The following CRYBG1 variants were observed in gnomAD, a reference collection of about 807,000 sequenced individuals.
CRYBG1 encodes crystallin beta-gamma domain containing 1.
Under a neutral mutation model 189.2 loss-of-function variants are expected in CRYBG1, and 139 were observed. The observed-to-expected ratio is 0.73, with a 90% CI of 0.64 to 0.85. The LOEUF (loss-of-function observed/expected upper bound fraction) is 0.85. CRYBG1 is among the 40% of genes least tolerant of loss of function. CRYBG1 has a pLI of 0.00. For missense variants in CRYBG1, 2,611 were observed against 2,675.8 expected (o/e 0.98, Z 0.53); for synonymous variants, 1,023 against 1,017.1 (o/e 1.01, Z -0.11).
intron 1 of CRYBG1, among the ~76,000 whole-genome samples, chr6:106,417,482 C>T (rs1771046796): frequency 6.6e-6 from 1 of 152,180 alleles, no homozygotes; most frequent in Non-Finnish European, 1.5e-5. Context: ...AGTACTCTGT[C>T]CCCACAGATT....
intron 1 of CRYBG1, among the ~76,000 whole-genome samples, chr6:106,381,894 T>G (rs2114320246): frequency 6.6e-6 from 1 of 152,324 alleles, no homozygotes; most frequent in South Asian, 2.1e-4. Flanking sequence ...ATGGACAATG[T>G]CTGACATAAT....
At position 106,519,549 on chromosome 6, in the gene CRYBG1, C is replaced by G. The variant is rs747552485; in HGVS notation, c.2341C>G (p.Pro781Ala). 3 of 1,614,032 alleles carry G rather than the reference C, an allele frequency of 1.9e-6. No individual in the cohort carries two copies. Among genetic ancestry groups the G allele is most frequent in the Non-Finnish European group, 2.5e-6 (3 of 1,180,014 alleles). Reference protein sequence around the residue: ...SSENQALGPQPNQDDKADVQT... With the variant: ...SSENQALGPQANQDDKADVQT... ...TGAGAATCAAGCTCTTGGTCCTCAG[C>G]CTAACCAAGATGATAAAGCAGATGT... Residue 781 changes from proline to alanine, a missense_variant, in exon 4 of 22, where the codon CCT (proline) becomes GCT (alanine). Coordinates refer to ENST00000633556, the MANE Select transcript of CRYBG1 (RefSeq NM_001371242.2).
intron 2 of CRYBG1, among the ~76,000 whole-genome samples, chr6:106,492,204 CA>C (rs1772739788): frequency 6.6e-6 from 1 of 152,206 alleles, no homozygotes; most frequent in Non-Finnish European, 1.5e-5. Context: ...GTTTTATAGA[CA>C]AGCCTATAAG....
At chr6:106,503,058 C>T (rs559289364) in intron 2 of CRYBG1, among the ~76,000 whole-genome samples, 45 of 152,286 alleles carry the variant, frequency 3.0e-4, no homozygotes, top group Non-Finnish European at 5.4e-4. Context: ...GAGGGGAAAG[C>T]GGCTCGGGAA....
chr6:106,500,385 A>T, intron 2 of CRYBG1, among the ~76,000 whole-genome samples: 1 of 148,768 alleles, frequency 6.7e-6, no homozygotes. Context: ...TATAATTTTC[A>T]TTTTCATTTC....
At chr6:106,405,962 G>A (rs1770812365) in intron 1 of CRYBG1, among the ~76,000 whole-genome samples, 1 of 152,152 alleles carries the variant, frequency 6.6e-6, no homozygotes, top group South Asian at 2.1e-4. Flanking sequence ...AACCAGGACA[G>A]CTCTTCTCCT....
rs1415328432 is a variant in CRYBG1 at position 106,512,326 on chromosome 6, C to A, written c.1209C>A (p.Cys403Ter). ...TGATTACTCCCAGAGCGGAAGATTG[C>A]GGTGACTGGGACGACATGGAGAAGA... ...PVVITPRAED[C>*]GDWDDMEKRS... The change falls in exon 3 of 22, where the codon TGC (cysteine) becomes TGA (stop). Residue 403 changes from cysteine to a stop codon, truncating the protein, a stop_gained. Coordinates refer to ENST00000633556, the MANE Select transcript of CRYBG1 (RefSeq NM_001371242.2). LOFTEE classifies it high-confidence loss of function. 1.9e-6 allele frequency: 3 copies of A among 1,607,642 alleles called. No individual in the cohort carries two copies. The highest frequency in any genetic ancestry group is 2.2e-5 in the East Asian group (1 of 44,634).
chr6:106,381,345 C>T (rs143588728), intron 1 of CRYBG1, among the ~76,000 whole-genome samples: 7 of 152,296 alleles, frequency 4.6e-5, no homozygotes, highest in African/African-American at 9.6e-5. Context: ...ATTCTGCTCA[C>T]GGTTCAGCCA....
chr6:106,544,335 C>T (rs1774207558), intron 11 of CRYBG1, among the ~76,000 whole-genome samples: 1 of 151,994 alleles, frequency 6.6e-6, no homozygotes, highest in Admixed American at 6.6e-5. Flanking sequence ...ACATACACAC[C>T]ACTCACACAC....
At chr6:106,435,653 G>A (rs2114412273) in intron 1 of CRYBG1, among the ~76,000 whole-genome samples, 1 of 152,116 alleles carries the variant, frequency 6.6e-6, no homozygotes, top group Admixed American at 6.5e-5. Flanking sequence ...TCAGGCTGGA[G>A]TGCAGTGGCG....
Position 106,436,810 on chromosome 6 carries a change from C to G in CRYBG1, c.174-14884C>G, listed in dbSNP as rs192862397. Reference sequence around the variant, plus strand: ...GAAAATTATTTCCTTCAAATCATTTCCTAAAAGTAGAGTTATAGGGGATAG... The same window carrying G: ...GAAAATTATTTCCTTCAAATCATTTGCTAAAAGTAGAGTTATAGGGGATAG... On this transcript the variant is annotated intron_variant, in intron 1 of 21. Coordinates refer to ENST00000633556, the MANE Select transcript of CRYBG1 (RefSeq NM_001371242.2). 2.1e-3 allele frequency among the ~76,000 whole-genome samples: 314 copies of G among 152,030 alleles called. 2 individuals are homozygous for G. The highest frequency in any genetic ancestry group is 7.3e-3 in the African/African-American group (302 of 41,450).
intron 2 of CRYBG1, among the ~76,000 whole-genome samples, chr6:106,499,255 C>A (rs2114506620): frequency 6.7e-6 from 1 of 149,934 alleles, no homozygotes; most frequent in African/African-American, 2.5e-5. Context: ...CGGGTTCAAG[C>A]AATTCTCCTG....
At chr6:106,447,524 G>A (rs1363825947) in intron 1 of CRYBG1, among the ~76,000 whole-genome samples, 1 of 143,054 alleles carries the variant, frequency 7.0e-6, no homozygotes, top group African/African-American at 2.7e-5. Flanking sequence ...CACTTTGAAT[G>A]CTTGTACCTC....
intron 2 of CRYBG1, among the ~76,000 whole-genome samples, chr6:106,469,527 C>T (rs1390153619): frequency 6.6e-6 from 1 of 152,014 alleles, no homozygotes; most frequent in African/African-American, 2.4e-5. Context: ...ACTTAATTTC[C>T]TTAATGATTT....
In CRYBG1 at chr6:106,511,965, C is replaced by G. The variant is rs1289602085; in HGVS notation, c.848C>G (p.Ala283Gly). The stretch of plus-strand genomic sequence containing the variant: ...CCGGGGGAGGACGCTTCACCAGGTG[C>G]TGGCCACGAACAGGAGGCTTTCCTG... ...RSPGEDASPG[A>G]GHEQEAFLGV... The change falls in exon 3 of 22, where the codon GCT (alanine) becomes GGT (glycine). Residue 283 changes from alanine to glycine, a missense_variant. Physicochemically the swap from Ala to Gly is moderately conservative, Grantham distance 60. Transcript: ENST00000633556. The G allele has an allele frequency of 1.3e-6, 2 of 1,528,986 alleles. No individual in the cohort carries two copies. The highest frequency in any genetic ancestry group is 2.0e-5 in the Admixed American group (1 of 50,284). The allele number at this position is 1,528,986 out of a possible 1,614,324, so 94.7% of individuals were successfully genotyped here.
chr6:106,482,758 G>C (rs887846710), intron 2 of CRYBG1, among the ~76,000 whole-genome samples: 1 of 149,850 alleles, frequency 6.7e-6, no homozygotes, highest in African/African-American at 2.5e-5. Flanking sequence ...CTGGGCGACA[G>C]AGCGAGACTC....
At position 106,382,802 on chromosome 6, in the gene CRYBG1, G is replaced by T. The variant is rs76678217; in HGVS notation, c.173+21721G>T. 7.1e-3 allele frequency among the ~76,000 whole-genome samples: 1,083 copies of T among 152,164 alleles called. 16 individuals are homozygous for T. The highest frequency in any genetic ancestry group is 0.024 in the African/African-American group (1,005 of 41,504). ...CTATTGGCATGCAAAAGCTAGCTTTGGATGATAATCCATACACTTGTGATT... is the reference window on the plus strand; with the variant it reads ...CTATTGGCATGCAAAAGCTAGCTTTTGATGATAATCCATACACTTGTGATT... On this transcript the variant is annotated intron_variant, in intron 1 of 21. Transcript: ENST00000633556.
In CRYBG1 at chr6:106,409,443, C is replaced by T. The variant is rs1473081210; in HGVS notation, c.174-42251C>T. On this transcript the variant is annotated intron_variant, in intron 1 of 21. Transcript: ENST00000633556. ...AATCAATATTGTGAAAATGGCCATA[C>T]TTCCCAAAGTAATTTATAGATTGAA... Among the ~76,000 whole-genome samples the T allele has an allele frequency of 5.9e-5, 9 of 152,258 alleles. No homozygotes were observed. In the South Asian group the frequency reaches 1.9e-3, roughly 32 times the overall value.
intron 3 of CRYBG1, among the ~76,000 whole-genome samples, chr6:106,516,247 T>G (rs1173679552): frequency 6.6e-6 from 1 of 151,402 alleles, no homozygotes; most frequent in Non-Finnish European, 1.5e-5. Flanking sequence ...TTCTTTTTTT[T>G]TTTTTAGACA....
Sources: allele counts gnomAD v4.1 joint callset (sites outside exome capture counted in the v4.1 genomes callset), GRCh38; gene constraint gnomAD v4.1.1; transcripts MANE v1.5; gene names NCBI Gene and HGNC (gene_info 2026-07-23, HGNC 2026-07-21).